PSMD1: variants seen among roughly 807,000 people sequenced by gnomAD.
The protein encoded by PSMD1 is proteasome 26S subunit, non-ATPase 1.
PSMD1 carries 18 observed loss-of-function variants against 119.0 expected under a neutral mutation model. The ratio of observed to expected loss-of-function variants is 0.15; its 90% CI spans 0.10 to 0.22. The LOEUF (loss-of-function observed/expected upper bound fraction) is 0.22, where lower values mean the gene tolerates loss of function less well. PSMD1 is among the 10% of genes least tolerant of loss of function. The pLI is 1.00. For synonymous variants in PSMD1, 374 were observed against 396.6 expected, an observed-to-expected ratio of 0.94 and a Z score of 0.68; for missense variants, 702 against 1,158.5, an observed-to-expected ratio of 0.61 and a Z score of 5.72.
chr2:231,090,056 C>G (rs1322395046), intron 16 of PSMD1, among the ~76,000 whole-genome samples: 1 of 152,168 alleles, frequency 6.6e-6, no homozygotes, highest in Non-Finnish European at 1.5e-5. Context: ...AATTACTGGT[C>G]AGAAAAAAGA....
chr2:231,172,642 A>G lies in PSMD1; in HGVS notation c.*117A>G, dbSNP rs1696937311. Reference sequence around the variant, plus strand: ...TCAATGCATGTATCGTTGCCTCTGCACTGACCTGAAGAACCCTGTCTCCAA... The same window carrying G: ...TCAATGCATGTATCGTTGCCTCTGCGCTGACCTGAAGAACCCTGTCTCCAA... On this transcript the variant is annotated 3_prime_UTR_variant, in exon 25 of 25. Transcript: ENST00000308696. 6.6e-6 allele frequency: 1 copy of G among 152,246 alleles called. No homozygotes were observed. Among genetic ancestry groups the G allele is most frequent in the South Asian group, 2.1e-4 (1 of 4,830 alleles). The allele number at this position is 152,246 out of a possible 1,614,324, so 9.4% of individuals were successfully genotyped here. A position where few individuals can be genotyped will look rare whatever the true frequency, so the allele number is the denominator to read the frequency against.
At chr2:231,061,444 C>A in intron 2 of PSMD1, 134 bp downstream of exon 2, 1 of 596,788 alleles carries the variant, frequency 1.7e-6, no homozygotes, top group East Asian at 3.1e-5. Context: ...GTAACCTAGC[C>A]AGAGAGGACA....
intron 16 of PSMD1, chr2:231,113,997 C>T (rs1695249331): frequency 1.6e-6 from 2 of 1,223,874 alleles, no homozygotes; most frequent in Non-Finnish European, 2.4e-6. Context: ...TACAGTTTTT[C>T]AGGTGATACA....
In PSMD1 at chr2:231,139,763, A is replaced by G. The variant is rs149009414; in HGVS notation, c.1998+913A>G. ...GTTTTAAGCAAATCACCGATGTGCT[A>G]TTTACCTGTTTTCTCATATCTAACC... is the stretch of plus-strand genomic sequence containing the variant. On this transcript the variant is annotated intron_variant, in intron 17 of 24. Coordinates refer to ENST00000308696, the MANE Select transcript of PSMD1 (RefSeq NM_002807.4). Among the ~76,000 whole-genome samples the G allele has an allele frequency of 2.0e-5, 3 of 152,282 alleles. No individual in the cohort carries two copies. In the East Asian group the frequency reaches 5.8e-4, roughly 29 times the overall value.
chr2:231,091,791 T>A (rs1298329295), intron 16 of PSMD1, among the ~76,000 whole-genome samples: 1 of 152,070 alleles, frequency 6.6e-6, no homozygotes, highest in Non-Finnish European at 1.5e-5. Flanking sequence ...AATTATCATA[T>A]AAGGTTCCCC....
intron 16 of PSMD1, among the ~76,000 whole-genome samples, chr2:231,115,071 A>G (rs921211483): frequency 2.6e-5 from 4 of 152,122 alleles, no homozygotes; most frequent in African/African-American, 4.8e-5. Context: ...AGTGATTGTC[A>G]TAATTGAAGG....
intron 16 of PSMD1, among the ~76,000 whole-genome samples, chr2:231,110,159 A>C (rs1211041758): frequency 6.6e-6 from 1 of 152,140 alleles, no homozygotes; most frequent in Non-Finnish European, 1.5e-5. Flanking sequence ...ATCTCTACTA[A>C]AAATATGAAA....
intron 3 of PSMD1, 50 bp from the exon 4 acceptor site, chr2:231,062,456 T>C (rs767785128): frequency 1.3e-6 from 2 of 1,560,450 alleles, no homozygotes; most frequent in Non-Finnish European, 1.7e-6. Flanking sequence ...TTGGGATTTT[T>C]AGGGAAAACC....
At chr2:231,118,132 C>A (rs544549630) in intron 16 of PSMD1, among the ~76,000 whole-genome samples, 1 of 152,034 alleles carries the variant, frequency 6.6e-6, no homozygotes, top group Non-Finnish European at 1.5e-5. Context: ...GATAATAGTA[C>A]CTGTTTTATA....
At chr2:231,110,121 A>T (rs1293260620) in intron 16 of PSMD1, among the ~76,000 whole-genome samples, 1 of 152,126 alleles carries the variant, frequency 6.6e-6, no homozygotes, top group East Asian at 1.9e-4. Context: ...GGAGTTTGAG[A>T]CAAGCCTGGC....
At chr2:231,118,829 T>C (rs1006326990) in intron 16 of PSMD1, among the ~76,000 whole-genome samples, 1 of 152,202 alleles carries the variant, frequency 6.6e-6, no homozygotes, top group Non-Finnish European at 1.5e-5. Context: ...GCATTCCAAG[T>C]GGGCTGTTCC....
chr2:231,121,200 G>A (rs1227089117), intron 16 of PSMD1, among the ~76,000 whole-genome samples: 2 of 152,036 alleles, frequency 1.3e-5, no homozygotes, highest in East Asian at 3.8e-4. Context: ...AAAAGTGTTT[G>A]GGGCTATAAA....
intron 9 of PSMD1, among the ~76,000 whole-genome samples, 163 bp downstream of exon 9, chr2:231,077,325 G>T (rs1044903203): frequency 2.6e-4 from 39 of 152,158 alleles, no homozygotes; most frequent in African/African-American, 9.2e-4. Flanking sequence ...TCCTCTTGGA[G>T]TTGTTGGAAA....
chr2:231,078,627 G>A, intron 9 of PSMD1, 32 bp from the exon 10 acceptor site: 1 of 1,554,596 alleles, frequency 6.4e-7, no homozygotes, highest in African/African-American at 1.4e-5. Context: ...TACTTTGCCA[G>A]TGATGAAACA....
At position 231,062,725 on chromosome 2, in the gene PSMD1, C is replaced by A. The variant is rs1693790478; in HGVS notation, c.304+50C>A. On this transcript the variant is annotated intron_variant, in intron 4 of 24. Transcript: ENST00000308696. ...CTTTATCTTGTCGGCTTCTTTCTTG[C>A]TGTAGTGCACATAGAAGCTTTTTTC... 9 of 1,390,780 alleles carry A rather than the reference C, an allele frequency of 6.5e-6. No individual in the cohort carries two copies. In the East Asian group the frequency reaches 2.0e-4, roughly 30 times the overall value. 86.2% of individuals were successfully genotyped at this position (1,390,780 alleles called of 1,614,324 possible).
intron 21 of PSMD1, 113 bp from the exon 22 acceptor site, chr2:231,165,087 T>G: frequency 7.0e-6 from 1 of 142,834 alleles, no homozygotes. Flanking sequence ...TATATATATA[T>G]ATATGTAATA....
At chr2:231,123,970 G>A in intron 16 of PSMD1, 1 of 555,350 alleles carries the variant, frequency 1.8e-6, no homozygotes. Flanking sequence ...AGATATCCAA[G>A]TATTTATTAT....
At chr2:231,078,790 T>TA (rs1694231997) in intron 10 of PSMD1, 43 bp downstream of exon 10, 327 of 1,116,922 alleles carry the variant, frequency 2.9e-4, no homozygotes, top group Non-Finnish European at 3.6e-4. Flanking sequence ...AAAATCTTTT[T>TA]CTTTTTTTTT....
chr2:231,101,764 G>A (rs1362836908), intron 16 of PSMD1, among the ~76,000 whole-genome samples: 1 of 152,210 alleles, frequency 6.6e-6, no homozygotes, highest in Non-Finnish European at 1.5e-5. Flanking sequence ...GCATAAAGAT[G>A]AATATGCACT....
Sources: allele counts gnomAD v4.1 joint callset (sites outside exome capture counted in the v4.1 genomes callset), GRCh38; gene constraint gnomAD v4.1.1; transcripts MANE v1.5; gene names NCBI Gene and HGNC (gene_info 2026-07-23, HGNC 2026-07-21).